AP1B1: variants seen among roughly 807,000 people sequenced by gnomAD.
The protein encoded by AP1B1 is AP-1 complex subunit beta-1.
A neutral mutation model predicts 104.3 loss-of-function variants in AP1B1; 36 were observed. The ratio of observed to expected loss-of-function variants is 0.35; its 90% CI spans 0.26 to 0.46. The LOEUF is 0.46. AP1B1 is among the 20% of genes least tolerant of loss of function. The pLI, the probability that AP1B1 is intolerant of heterozygous loss-of-function variation, is 1.00. For synonymous variants in AP1B1, 504 were observed against 517.5 expected (o/e 0.97, Z 0.35); for missense variants, 901 against 1,247.9 (o/e 0.72, Z 4.19).
intron 2 of AP1B1, among the ~76,000 whole-genome samples, chr22:29,366,058 C>A (rs1366561837): frequency 6.6e-6 from 1 of 152,164 alleles, no homozygotes; most frequent in Non-Finnish European, 1.5e-5. Context: ...CAGCAACAGA[C>A]TCTTTTCATC....
In AP1B1 at chr22:29,367,267, G is replaced by T. The variant is rs753401709; in HGVS notation, c.-24C>A. ...ATTTTGGTCCCTTATCTGTAGCCAG[G>T]CTTCTGCAAGAGAGAGAAGAGAGGG... On this transcript the variant is annotated 5_prime_UTR_variant, in exon 2 of 23. Coordinates refer to ENST00000357586, the MANE Select transcript of AP1B1 (RefSeq NM_001127.4). The T allele has an allele frequency of 6.4e-7, 1 of 1,551,556 alleles. No homozygotes were observed. The highest frequency in any genetic ancestry group is 1.4e-5 in the African/African-American group (1 of 70,906).
intron 1 of AP1B1, among the ~76,000 whole-genome samples, chr22:29,374,285 G>GAAAT (rs10667003): frequency 0.61 from 93,203 of 151,604 alleles, 29,631 homozygotes; most frequent in African/African-American, 0.78. Context: ...GCATCCAGAG[G>GAAAT]AAAGTCTTTG....
At chr22:29,335,764 T>C (rs1470488690) in intron 16 of AP1B1, among the ~76,000 whole-genome samples, 1 of 152,194 alleles carries the variant, frequency 6.6e-6, no homozygotes, top group Non-Finnish European at 1.5e-5. Context: ...TCACACTGGC[T>C]GTTCCCTCTG....
chr22:29,370,139 C>T (rs1437910451), intron 1 of AP1B1, among the ~76,000 whole-genome samples: 2 of 152,108 alleles, frequency 1.3e-5, no homozygotes, highest in Non-Finnish European at 2.9e-5. Context: ...ACAGAAACCA[C>T]TCCAACATTA....
Position 29,341,742 on chromosome 22 carries a change from G to T in AP1B1, c.1555C>A (p.Leu519Met). The change falls in exon 13 of 23, where the codon CTG becomes ATG. Residue 519 changes from leucine (L) to methionine (M), a missense_variant. Physicochemically the swap from Leu to Met is conservative, Grantham distance 15. Transcript: ENST00000357586. Reference protein sequence around the residue: ...LATQDSDNPDLRDRGYIYWRL... With the variant: ...LATQDSDNPDMRDRGYIYWRL... ...CAGTAGATGTAGCCACGGTCCCGCA[G>T]GTCTGGGTTATCTGAGTCCTTGTGG... 3.7e-6 allele frequency: 6 copies of T among 1,611,236 alleles called. No individual in the cohort carries two copies. Among genetic ancestry groups the T allele is most frequent in the Non-Finnish European group, 5.1e-6 (6 of 1,177,642 alleles).
intron 10 of AP1B1, 106 bp from the exon 11 acceptor site, chr22:29,349,489 C>A: frequency 8.3e-7 from 1 of 1,202,106 alleles, no homozygotes. Context: ...CCTAAGACCC[C>A]AAGGTGGCAG....
rs753171403 is a variant in AP1B1 at position 29,341,561 on chromosome 22, C to A, written c.1736G>T (p.Ser579Ile). 6.2e-7 allele frequency: 1 copy of A among 1,614,088 alleles called. No homozygotes were observed. Among genetic ancestry groups the A allele is most frequent in the African/African-American group, 1.3e-5 (1 of 74,940 alleles). Residue 579 changes from serine (S) to isoleucine (I), a missense_variant, in exon 13 of 23, where the codon AGT (serine) becomes ATT (isoleucine). Physicochemically the swap from Ser to Ile is moderately radical, Grantham distance 142. Coordinates refer to ENST00000357586, the MANE Select transcript of AP1B1 (RefSeq NM_001127.4). ...TLASVYHKPPSAFVEGGRGVV... is the reference protein window; with the variant it reads ...TLASVYHKPPIAFVEGGRGVV... ...GCCCCGGCCCCCCTCCACAAAGGCA[C>A]TGGGAGGCTTATGGTAGACGGAAGC...
chr22:29,339,147 G>C lies in AP1B1; in HGVS notation c.2020-14C>G, dbSNP rs1273995350. ...GGTGCCCCCAATCTGGAAAGGGAGG[G>C]AAAGAGTCAGAGGTGGGCGTCAAGA... On this transcript the variant is annotated splice_polypyrimidine_tract_variant and intron_variant, in intron 15 of 22. Coordinates refer to ENST00000357586, the MANE Select transcript of AP1B1 (RefSeq NM_001127.4). The C allele has an allele frequency of 6.2e-7, 1 of 1,613,896 alleles. No individual in the cohort carries two copies. The highest frequency in any genetic ancestry group is 8.5e-7 in the Non-Finnish European group (1 of 1,179,954).
chr22:29,388,143 C>G (rs1369173811), intron 1 of AP1B1, among the ~76,000 whole-genome samples: 1 of 152,378 alleles, frequency 6.6e-6, no homozygotes, highest in East Asian at 1.9e-4. Context: ...TTCCCTCAGG[C>G]CAGTGGGGAA....
chr22:29,329,686 G>A (rs748536823), intron 22 of AP1B1, 26 bp downstream of exon 22: 19 of 1,613,240 alleles, frequency 1.2e-5, no homozygotes, highest in South Asian at 6.6e-5. Context: ...GAGGGCGGAC[G>A]GGGAAAGAGA....
In AP1B1 at chr22:29,328,702, A is replaced by G; in HGVS notation, c.*119T>C. On this transcript the variant is annotated 3_prime_UTR_variant, in exon 23 of 23. Coordinates refer to ENST00000357586, the MANE Select transcript of AP1B1 (RefSeq NM_001127.4). This position sits in a 1 kb window ranked among gnomAD's most constrained non-coding sequence, Gnocchi z 4.1. ...GTGGGTTCTGCCATCAGGACCAGGG[A>G]GCCCACTGAGTGGCCTGGAGCCCCG... The G allele has an allele frequency of 7.8e-7, 1 of 1,275,078 alleles. No homozygotes were observed. The highest frequency in any genetic ancestry group is 1.4e-5 in the South Asian group (1 of 70,974). 79.0% of individuals were successfully genotyped at this position (1,275,078 alleles called of 1,614,324 possible). A position where few individuals can be genotyped will look rare whatever the true frequency, so the allele number is the denominator to read the frequency against.
chr22:29,329,842 G>A, intron 21 of AP1B1, 122 bp from the exon 22 acceptor site: 5 of 1,534,666 alleles, frequency 3.3e-6, no homozygotes, highest in South Asian at 2.5e-5. Context: ...CAGGACCCAG[G>A]AGGGGCAGTG....
In AP1B1 at chr22:29,356,442, C is replaced by T. The variant is rs754647389; in HGVS notation, c.700G>A (p.Asp234Asn). 63 of 1,613,536 alleles carry T rather than the reference C, an allele frequency of 3.9e-5. No individual in the cohort carries two copies. The highest frequency in any genetic ancestry group is 1.5e-4 in the South Asian group (14 of 91,024). ...CCCGCTCACCTCTGGGCCTCGCGGT[C>T]GTCCTTGGGCATATAGTTGGCGAGG... ...DCLANYMPKDDREAQSICERV... is the reference protein window; with the variant it reads ...DCLANYMPKDNREAQSICERV... Residue 234 changes from aspartate (D) to asparagine (N), a missense_variant, in exon 6 of 23, where the codon GAC (aspartate) becomes AAC (asparagine). Physicochemically the swap from Asp to Asn is conservative, Grantham distance 23. Coordinates refer to ENST00000357586, the MANE Select transcript of AP1B1 (RefSeq NM_001127.4).
chr22:29,332,028 C>T (rs1463063856), intron 17 of AP1B1, 112 bp from the exon 18 acceptor site: 22 of 1,139,478 alleles, frequency 1.9e-5, no homozygotes, highest in Admixed American at 1.4e-4. Flanking sequence ...AGCCTCTCAC[C>T]GTGCCAGCCT....
chr22:29,376,336 C>A (rs2062340729), intron 1 of AP1B1, among the ~76,000 whole-genome samples: 1 of 152,110 alleles, frequency 6.6e-6, no homozygotes, highest in Non-Finnish European at 1.5e-5. Flanking sequence ...GGTGGCAGCA[C>A]AAGGCACTGC....
intron 1 of AP1B1, among the ~76,000 whole-genome samples, chr22:29,369,631 A>G (rs1173784567): frequency 2.0e-5 from 3 of 152,194 alleles, no homozygotes; most frequent in South Asian, 2.1e-4. Flanking sequence ...AAGGCCCCGC[A>G]TGCGCCAGGC....
intron 11 of AP1B1, among the ~76,000 whole-genome samples, chr22:29,347,231 G>A (rs865782443): frequency 6.6e-6 from 1 of 152,164 alleles, no homozygotes; most frequent in Admixed American, 6.5e-5. Context: ...CCAGCTACCG[G>A]AACCAGTTGG....
chr22:29,336,962 C>T (rs2061646828), intron 16 of AP1B1, among the ~76,000 whole-genome samples: 1 of 152,208 alleles, frequency 6.6e-6, no homozygotes, highest in African/African-American at 2.4e-5. Flanking sequence ...CTTAGTCCTG[C>T]TTTGTATGCC....
chr22:29,365,788 GCACT>G (rs980324876), intron 2 of AP1B1, among the ~76,000 whole-genome samples: 14 of 151,408 alleles, frequency 9.2e-5, no homozygotes, highest in Admixed American at 3.3e-4. Flanking sequence ...CACAGGCACA[GCACT>G]CACTCCTTCC....
Sources: allele counts gnomAD v4.1 joint callset (sites outside exome capture counted in the v4.1 genomes callset), GRCh38; gene constraint gnomAD v4.1.1; non-coding constraint Gnocchi (gnomAD v3.1); transcripts MANE v1.5; gene names NCBI Gene and HGNC (gene_info 2026-07-23, HGNC 2026-07-21).